The following SGMS1 variants were observed in gnomAD, a reference collection of about 807,000 sequenced individuals.
SGMS1 encodes the protein sphingomyelin synthase 1.
Under a neutral mutation model 46.2 loss-of-function variants are expected in SGMS1, and 13 were observed. The observed-to-expected ratio is 0.28, with a 90% CI of 0.18 to 0.45. SGMS1 has a LOEUF of 0.45. Among genes scored for constraint, SGMS1 ranks in the 20% least tolerant of loss-of-function variants. The pLI is 1.00. For missense variants in SGMS1, 324 were observed against 519.9 expected (o/e 0.62, Z 3.66); for synonymous variants, 203 against 187.8 (o/e 1.08, Z -0.66).
chr10:50,438,913 G>T lies in SGMS1; in HGVS notation c.-312-5357C>A, dbSNP rs766184182. On this transcript the variant is annotated intron_variant, in intron 5 of 10. Coordinates refer to ENST00000361781, the MANE Select transcript of SGMS1 (RefSeq NM_147156.4). Reference sequence around the variant, plus strand: ...TAGCAATCGTATAAATGGCGATCAGGTTCCCTGGCTGGCCTGCAAAAGCTA... The same window carrying T: ...TAGCAATCGTATAAATGGCGATCAGTTTCCCTGGCTGGCCTGCAAAAGCTA... Among the ~76,000 whole-genome samples the T allele has an allele frequency of 1.0e-3, 153 of 152,296 alleles. 1 individual carries two copies. The Middle Eastern group carries it at 0.017, about 17-fold the overall frequency.
rs1328247867 is a variant in SGMS1, at chr10:50,348,402, TA to T, written c.-231-4058del. 3.3e-5 allele frequency among the ~76,000 whole-genome samples: 5 copies of T among 152,274 alleles called. No homozygotes were observed. The East Asian group carries it at 9.6e-4, about 29-fold the overall frequency. ...TCTCTGTTTGTAGATGACATGATTGTATATTTAGAAAACCCTATCATCTCAG... is the reference window on the plus strand; with the variant it reads ...TCTCTGTTTGTAGATGACATGATTGTTATTTAGAAAACCCTATCATCTCAG... On this transcript the variant is annotated intron_variant, in intron 6 of 10. Transcript: ENST00000361781.
At chr10:50,523,748 T>C (rs562964493) in intron 2 of SGMS1, among the ~76,000 whole-genome samples, 1 of 152,200 alleles carries the variant, frequency 6.6e-6, no homozygotes, top group Non-Finnish European at 1.5e-5. Flanking sequence ...AAAATAAAAC[T>C]TGCAACCCCA....
chr10:50,357,697 A>G (rs952547999), intron 6 of SGMS1, among the ~76,000 whole-genome samples: 11 of 152,298 alleles, frequency 7.2e-5, no homozygotes, highest in Non-Finnish European at 1.5e-4. Flanking sequence ...AATACATAAA[A>G]TGTAAGAAAT....
At chr10:50,606,494 CA>C (rs1167166596) in intron 1 of SGMS1, among the ~76,000 whole-genome samples, 20 of 151,948 alleles carry the variant, frequency 1.3e-4, no homozygotes, top group Non-Finnish European at 2.1e-4. Context: ...TTACTATAAT[CA>C]AAAAAGATGT....
At chr10:50,491,870 A>G (rs1837570604) in intron 3 of SGMS1, among the ~76,000 whole-genome samples, 1 of 152,216 alleles carries the variant, frequency 6.6e-6, no homozygotes, top group Admixed American at 6.5e-5. Context: ...AACAAAAAAG[A>G]AAACTTCAGG....
intron 2 of SGMS1, among the ~76,000 whole-genome samples, chr10:50,527,063 CAAAAAAAAA>C (rs573386594): frequency 5.5e-5 from 5 of 90,800 alleles, no homozygotes; most frequent in East Asian, 3.1e-4. Context: ...GACTCTGTCT[CAAAAAAAAA>C]AAAAAAAAAA....
intron 2 of SGMS1, among the ~76,000 whole-genome samples, chr10:50,553,403 A>G (rs930217995): frequency 6.6e-6 from 1 of 152,198 alleles, no homozygotes; most frequent in African/African-American, 2.4e-5. Flanking sequence ...TAATGAGACC[A>G]TGCACAAAAA....
intron 2 of SGMS1, among the ~76,000 whole-genome samples, chr10:50,581,644 C>A (rs1054221909): frequency 1.3e-5 from 2 of 152,144 alleles, no homozygotes; most frequent in African/African-American, 4.8e-5. Flanking sequence ...CATCTAAGAA[C>A]CTATTATAAT....
intron 9 of SGMS1, 127 bp downstream of exon 9, chr10:50,311,135 G>T: frequency 9.1e-7 from 1 of 1,099,716 alleles, no homozygotes; most frequent in Non-Finnish European, 1.3e-6. Flanking sequence ...ATGAGATGAA[G>T]CTGCAAGCCT....
chr10:50,518,190 A>C (rs1367133942), intron 3 of SGMS1, among the ~76,000 whole-genome samples: 3 of 152,210 alleles, frequency 2.0e-5, no homozygotes, highest in African/African-American at 7.2e-5. Context: ...CATTAGGTAT[A>C]CTATGAGTTT....
In SGMS1 at chr10:50,385,022, A is replaced by G. The variant is rs956835288; in HGVS notation, c.-231-40677T>C. ...TCTGCTAATACGTGGCAGTTCCTCA[A>G]TCTTTCTTCACCTTTCATGACCCTG... On this transcript the variant is annotated intron_variant, in intron 6 of 10. Transcript: ENST00000361781. Among the ~76,000 whole-genome samples the G allele has an allele frequency of 6.6e-5, 10 of 152,172 alleles. No individual in the cohort carries two copies. The East Asian group carries it at 9.6e-4, about 15-fold the overall frequency.
At chr10:50,427,148 C>T (rs968690781) in intron 6 of SGMS1, among the ~76,000 whole-genome samples, 1 of 152,186 alleles carries the variant, frequency 6.6e-6, no homozygotes, top group African/African-American at 2.4e-5. Context: ...CCTGTAATCC[C>T]AGCACTTTGG....
At chr10:50,450,659 A>G (rs1371821177) in intron 5 of SGMS1, among the ~76,000 whole-genome samples, 3 of 152,150 alleles carry the variant, frequency 2.0e-5, no homozygotes, top group African/African-American at 7.2e-5. Flanking sequence ...TAATATAAAA[A>G]TATCCAACAC....
chr10:50,383,504 C>T (rs1158588910), intron 6 of SGMS1, among the ~76,000 whole-genome samples: 1 of 151,998 alleles, frequency 6.6e-6, no homozygotes, highest in Non-Finnish European at 1.5e-5. Flanking sequence ...ATCGCTTGTA[C>T]AGGAAAGTTT....
intron 3 of SGMS1, among the ~76,000 whole-genome samples, chr10:50,516,103 C>T (rs1207672502): frequency 6.6e-6 from 1 of 152,064 alleles, no homozygotes; most frequent in Non-Finnish European, 1.5e-5. Context: ...ATCTGTGTAG[C>T]CTCTAAAAAC....
At chr10:50,594,101 G>A (rs1208343994) in intron 1 of SGMS1, among the ~76,000 whole-genome samples, 1 of 152,152 alleles carries the variant, frequency 6.6e-6, no homozygotes, top group Non-Finnish European at 1.5e-5. Context: ...AGGCATGCTT[G>A]TTTTGCCAAT....
chr10:50,469,806 G>T (rs200454900), intron 3 of SGMS1, among the ~76,000 whole-genome samples: 1 of 152,168 alleles, frequency 6.6e-6, no homozygotes, highest in East Asian at 1.9e-4. Flanking sequence ...AGTAAGAGAA[G>T]GTTCAGAGGG....
At chr10:50,587,548 C>T (rs1838496019) in intron 2 of SGMS1, among the ~76,000 whole-genome samples, 1 of 151,998 alleles carries the variant, frequency 6.6e-6, no homozygotes. Flanking sequence ...CGCTTGAACC[C>T]AGAAGGCGGA....
At chr10:50,309,908 T>C (rs1245741985) in intron 9 of SGMS1, among the ~76,000 whole-genome samples, 1 of 152,202 alleles carries the variant, frequency 6.6e-6, no homozygotes, top group Non-Finnish European at 1.5e-5. Flanking sequence ...CCATCCCTGA[T>C]GCCATCAGGC....
Sources: gnomAD v4.1 joint callset for allele counts (sites outside exome capture counted in the v4.1 genomes callset) on GRCh38, gnomAD v4.1.1 for gene constraint, MANE v1.5 for transcripts, NCBI Gene and HGNC (gene_info 2026-07-23, HGNC 2026-07-21) for gene names.